The following ANO4 variants were observed in gnomAD, a reference collection of about 807,000 sequenced individuals.
ANO4 encodes anoctamin 4.
Under a neutral mutation model 141.9 loss-of-function variants are expected in ANO4, and 69 were observed. That is an observed-to-expected ratio of 0.49 (90% confidence interval 0.40 to 0.59). ANO4 has a LOEUF of 0.59. ANO4 is among the 20% of genes least tolerant of loss of function. The pLI is 0.00. For synonymous variants in ANO4, 350 were observed against 394.3 expected (o/e 0.89, Z 1.33); for missense variants, 894 against 1,162.2 (o/e 0.77, Z 3.36).
chr12:100,784,104 G>T (rs922469959), intron 3 of ANO4, among the ~76,000 whole-genome samples: 1 of 152,052 alleles, frequency 6.6e-6, no homozygotes, highest in Non-Finnish European at 1.5e-5. Context: ...CTTGTCTTCC[G>T]CCATCTGTTT....
At chr12:101,103,987 C>T (rs2050309843) in intron 22 of ANO4, among the ~76,000 whole-genome samples, 1 of 151,756 alleles carries the variant, frequency 6.6e-6, no homozygotes, top group Non-Finnish European at 1.5e-5. Context: ...TTTCAAGAAA[C>T]TTGTTCATTT....
At chr12:100,801,522 AC>A in intron 1 of ANO4, among the ~76,000 whole-genome samples, 1 of 150,622 alleles carries the variant, frequency 6.6e-6, no homozygotes, top group Non-Finnish European at 1.5e-5. Context: ...TTTTAAAAGC[AC>A]AATTCCTATC....
At chr12:101,044,928 T>C (rs7298465) in intron 13 of ANO4, among the ~76,000 whole-genome samples, 2,670 of 152,186 alleles carry the variant, frequency 0.018, 28 homozygotes, top group Middle Eastern at 0.027. Flanking sequence ...TGTTTAAAGG[T>C]CAGATATAAG....
chr12:100,900,513 C>G (rs1324208666), intron 1 of ANO4, among the ~76,000 whole-genome samples: 1 of 146,318 alleles, frequency 6.8e-6, no homozygotes, highest in Non-Finnish European at 1.5e-5. Context: ...CAAGTGTTCT[C>G]ATTGTTCAGT....
chr12:101,045,504 A>C (rs1037112076), intron 13 of ANO4, among the ~76,000 whole-genome samples: 10 of 152,184 alleles, frequency 6.6e-5, no homozygotes, highest in African/African-American at 2.4e-4. Flanking sequence ...TATTTATTAG[A>C]GATGTCAGAG....
At chr12:101,015,987 A>G (rs2046300588) in intron 8 of ANO4, among the ~76,000 whole-genome samples, 1 of 152,194 alleles carries the variant, frequency 6.6e-6, no homozygotes, top group Non-Finnish European at 1.5e-5. Context: ...GACCCAGAAA[A>G]TGAAAGTGTT....
chr12:100,882,384 A>G (rs1038213919), intron 1 of ANO4, among the ~76,000 whole-genome samples: 2 of 152,196 alleles, frequency 1.3e-5, no homozygotes, highest in Admixed American at 1.3e-4. Context: ...GGCCTTTGCT[A>G]TATGCCCAAA....
At chr12:101,103,181 TTTTA>T (rs59323370) in intron 22 of ANO4, among the ~76,000 whole-genome samples, 4,656 of 90,104 alleles carry the variant, frequency 0.052, 957 homozygotes, top group African/African-American at 0.082. Flanking sequence ...TTTTTAGTCA[TTTTA>T]TATATATATA....
rs144926002 is a variant in ANO4, at chr12:100,936,925, A to G, written c.161-2390A>G. Among the ~76,000 whole-genome samples the G allele has an allele frequency of 5.2e-3, 786 of 152,330 alleles. 10 individuals carry two copies. The highest frequency in any genetic ancestry group is 0.018 in the African/African-American group (752 of 41,566). On this transcript the variant is annotated intron_variant, in intron 3 of 27. Transcript: ENST00000392977. ...GCACATATTTACACAGCTAAGTGGCAGAGTTCAGAATAGCGAGCAGGTCCT... is the reference window on the plus strand; with the variant it reads ...GCACATATTTACACAGCTAAGTGGCGGAGTTCAGAATAGCGAGCAGGTCCT...
At chr12:101,076,938 A>C (rs143494658) in intron 14 of ANO4, among the ~76,000 whole-genome samples, 43 of 152,304 alleles carry the variant, frequency 2.8e-4, no homozygotes, top group African/African-American at 1.0e-3. Flanking sequence ...GCAAAGAGTT[A>C]ACACAGCAGG....
intron 14 of ANO4, among the ~76,000 whole-genome samples, chr12:101,072,182 A>G (rs2048841612): frequency 6.6e-6 from 1 of 152,182 alleles, no homozygotes; most frequent in Non-Finnish European, 1.5e-5. Context: ...AGTTCCTTCC[A>G]TCTTGTGGCT....
chr12:100,932,418 G>C (rs2042119980), intron 3 of ANO4, among the ~76,000 whole-genome samples: 1 of 150,842 alleles, frequency 6.6e-6, no homozygotes, highest in African/African-American at 2.4e-5. Flanking sequence ...TCTCTTGCCT[G>C]GAAGTGTGAG....
intron 8 of ANO4, among the ~76,000 whole-genome samples, chr12:101,016,004 C>A (rs138911451): frequency 6.6e-6 from 1 of 152,198 alleles, no homozygotes; most frequent in East Asian, 1.9e-4. Flanking sequence ...TGTTCCACAC[C>A]CCGCAGGAAG....
chr12:100,952,345 T>G (rs2043003712), intron 5 of ANO4, among the ~76,000 whole-genome samples: 1 of 152,200 alleles, frequency 6.6e-6, no homozygotes, highest in African/African-American at 2.4e-5. Flanking sequence ...CAAGGGCTAT[T>G]ATGAGGATAA....
intron 3 of ANO4, among the ~76,000 whole-genome samples, chr12:100,767,402 GGAAGT>G (rs2033132672): frequency 6.6e-6 from 1 of 152,110 alleles, no homozygotes; most frequent in African/African-American, 2.4e-5. Context: ...TTCCTTTAAA[GGAAGT>G]ACTTTATGGC....
chr12:101,125,694 T>C (rs1298384031), intron 26 of ANO4, among the ~76,000 whole-genome samples: 2 of 152,248 alleles, frequency 1.3e-5, no homozygotes. Flanking sequence ...TTATGTGATG[T>C]TTACTGATTT....
intron 3 of ANO4, among the ~76,000 whole-genome samples, chr12:100,748,906 G>A (rs2032236053): frequency 6.6e-6 from 1 of 152,074 alleles, no homozygotes; most frequent in African/African-American, 2.4e-5. Flanking sequence ...GTATGTTATG[G>A]AATAAATTTT....
At chr12:101,081,031 A>ATGTG (rs59054457) in intron 15 of ANO4, among the ~76,000 whole-genome samples, 54 of 148,092 alleles carry the variant, frequency 3.6e-4, no homozygotes, top group Middle Eastern at 3.5e-3. Flanking sequence ...GAGTGTGTGT[A>ATGTG]TGTGTGTGTG....
chr12:101,052,269 G>T (rs1178534439), intron 14 of ANO4, among the ~76,000 whole-genome samples: 2 of 152,130 alleles, frequency 1.3e-5, no homozygotes, highest in African/African-American at 4.8e-5. Context: ...CCTGAGGTAT[G>T]CTGTGAGCCT....
Sources: gnomAD v4.1 joint callset for allele counts (sites outside exome capture counted in the v4.1 genomes callset) on GRCh38, gnomAD v4.1.1 for gene constraint, MANE v1.5 for transcripts, NCBI Gene and HGNC (gene_info 2026-07-23, HGNC 2026-07-21) for gene names.